The following CREBBP variants were observed in gnomAD, a reference collection of about 807,000 sequenced individuals.
CREBBP encodes CREB binding lysine acetyltransferase, also known as CREB-binding protein.
A neutral mutation model predicts 265.0 loss-of-function variants in CREBBP; 19 were observed. The ratio of observed to expected loss-of-function variants is 0.07; its 90% confidence interval spans 0.05 to 0.11. The LOEUF is 0.11. Ranked by LOEUF, CREBBP falls within the 10% of genes least tolerant of loss-of-function variation. The pLI, the probability that CREBBP is intolerant of heterozygous loss-of-function variation, is 1.00. For missense variants in CREBBP, 2,525 were observed against 3,219.0 expected (o/e 0.78, Z 5.22); for synonymous variants, 1,457 against 1,223.7 (o/e 1.19, Z -3.98).
chr16:3,821,062 T>G (rs2054132714), intron 2 of CREBBP, among the ~76,000 whole-genome samples: 1 of 152,204 alleles, frequency 6.6e-6, no homozygotes, highest in African/African-American at 2.4e-5. Flanking sequence ...GAGAAACTAT[T>G]TCTAATCCTG....
chr16:3,831,130 G>A (rs146975740), intron 2 of CREBBP, among the ~76,000 whole-genome samples: 31 of 152,196 alleles, frequency 2.0e-4, no homozygotes, highest in South Asian at 2.1e-4. Flanking sequence ...CATTTGCTGG[G>A]CCGTAAGACA....
intron 11 of CREBBP, among the ~76,000 whole-genome samples, chr16:3,776,078 G>A (rs979490915): frequency 6.6e-6 from 1 of 152,058 alleles, no homozygotes; most frequent in Admixed American, 6.5e-5. Flanking sequence ...CACCATGCCT[G>A]GCTAAATTTT....
chr16:3,851,288 CAAAAAAAAAAAAAAAATTAAAAAA>C (rs1157991850), intron 1 of CREBBP, among the ~76,000 whole-genome samples: 2 of 22,866 alleles, frequency 8.7e-5, no homozygotes, highest in Admixed American at 1.0e-3. Context: ...AACACCGTCT[CAAAAAAAAAAAAAAAATTAAAAAA>C]AAAAAAAAAA....
chr16:3,806,734 C>A (rs1045304164), intron 3 of CREBBP, among the ~76,000 whole-genome samples: 9 of 152,192 alleles, frequency 5.9e-5, no homozygotes, highest in African/African-American at 1.4e-4. Flanking sequence ...TGCATCACAC[C>A]CCACCCTGTA....
chr16:3,829,325 A>C (rs923900995), intron 2 of CREBBP, among the ~76,000 whole-genome samples: 3 of 152,246 alleles, frequency 2.0e-5, no homozygotes, highest in Non-Finnish European at 4.4e-5. Flanking sequence ...TTAAAGTGTG[A>C]AATACACAGT....
intron 2 of CREBBP, among the ~76,000 whole-genome samples, chr16:3,824,416 G>A (rs2054199767): frequency 6.6e-6 from 1 of 152,228 alleles, no homozygotes; most frequent in Non-Finnish European, 1.5e-5. Flanking sequence ...ACCTGGCTGG[G>A]GGTTAACTGA....
intron 16 of CREBBP, among the ~76,000 whole-genome samples, chr16:3,764,680 C>G (rs1267192266): frequency 1.3e-5 from 2 of 152,018 alleles, no homozygotes; most frequent in Admixed American, 6.6e-5. Context: ...GACCCCTGAG[C>G]TCAAGTGATC....
chr16:3,857,650 C>A (rs1402085590), intron 1 of CREBBP, among the ~76,000 whole-genome samples: 1 of 152,174 alleles, frequency 6.6e-6, no homozygotes, highest in Admixed American at 6.5e-5. Flanking sequence ...TCTCTCTGAC[C>A]GTTACCAGGG....
chr16:3,732,734 C>G (rs558487670), intron 28 of CREBBP, among the ~76,000 whole-genome samples: 1 of 151,886 alleles, frequency 6.6e-6, no homozygotes, highest in South Asian at 2.1e-4. Flanking sequence ...GAGTCTCGCT[C>G]TTGTCACCCA....
intron 2 of CREBBP, among the ~76,000 whole-genome samples, chr16:3,816,073 G>A (rs2054032011): frequency 6.6e-6 from 1 of 152,156 alleles, no homozygotes; most frequent in South Asian, 2.1e-4. Context: ...CTTTTACTCT[G>A]TTCTTCCTAA....
intron 19 of CREBBP, among the ~76,000 whole-genome samples, chr16:3,753,821 G>A (rs984995353): frequency 1.3e-5 from 2 of 152,060 alleles, no homozygotes; most frequent in Non-Finnish European, 2.9e-5. Flanking sequence ...AATCAAACAC[G>A]CAGAACTATG....
At chr16:3,736,471 G>T (rs1333345686) in intron 27 of CREBBP, 179 bp downstream of exon 27, 6 of 952,458 alleles carry the variant, frequency 6.3e-6, no homozygotes, top group East Asian at 2.6e-5. Flanking sequence ...ACGGCCAGGG[G>T]AAAGCCTCAA....
chr16:3,851,105 G>T, intron 1 of CREBBP, 96 bp from the exon 2 acceptor site: 1 of 992,306 alleles, frequency 1.0e-6, no homozygotes, highest in Non-Finnish European at 1.6e-6. Flanking sequence ...GGGGCATTCA[G>T]CACGAACACT....
At chr16:3,746,037 A>T (rs1271028169) in intron 21 of CREBBP, among the ~76,000 whole-genome samples, 1 of 152,228 alleles carries the variant, frequency 6.6e-6, no homozygotes, top group Non-Finnish European at 1.5e-5. Context: ...ACCTCCAGGA[A>T]CCGCCTCAAC....
chr16:3,784,959 T>C (rs1366046684), intron 5 of CREBBP, among the ~76,000 whole-genome samples: 1 of 152,210 alleles, frequency 6.6e-6, no homozygotes, highest in Non-Finnish European at 1.5e-5. Context: ...AATATACCTA[T>C]GAGAAGCATT....
intron 3 of CREBBP, among the ~76,000 whole-genome samples, chr16:3,802,526 C>T (rs938906380): frequency 5.3e-5 from 8 of 152,120 alleles, no homozygotes; most frequent in Admixed American, 2.6e-4. Context: ...TGCCATTTTT[C>T]CTATAGTGCC....
At chr16:3,780,914 G>A (rs1412468466) in intron 7 of CREBBP, 36 bp from the exon 8 acceptor site, 1 of 1,611,500 alleles carries the variant, frequency 6.2e-7, no homozygotes, top group Admixed American at 1.7e-5. Context: ...TCCATCTACT[G>A]AAGTGACTCA....
At chr16:3,858,715 CAAT>C (rs1027150965) in intron 1 of CREBBP, among the ~76,000 whole-genome samples, 2 of 152,208 alleles carry the variant, frequency 1.3e-5, no homozygotes, top group African/African-American at 4.8e-5. Context: ...AAAACAGAAA[CAAT>C]AACGAATTCT....
chr16:3,747,719 T>C (rs989683543), intron 21 of CREBBP, among the ~76,000 whole-genome samples: 6 of 152,272 alleles, frequency 3.9e-5, no homozygotes, highest in Non-Finnish European at 8.8e-5. Context: ...TCCCAGCACT[T>C]TGGGAGGCCG....
Sources: gnomAD v4.1 joint callset for allele counts (sites outside exome capture counted in the v4.1 genomes callset) on GRCh38, gnomAD v4.1.1 for gene constraint, MANE v1.5 for transcripts, NCBI Gene and HGNC (gene_info 2026-07-23, HGNC 2026-07-21) for gene names.